CRADD: variants seen among roughly 807,000 people sequenced by gnomAD.
The protein encoded by CRADD is death domain-containing protein CRADD.
CRADD carries 9 observed loss-of-function variants against 15.5 expected under a neutral mutation model. The ratio of observed to expected loss-of-function variants is 0.58; its 90% CI spans 0.35 to 1.01. CRADD has a LOEUF of 1.01. Among genes scored for constraint, CRADD ranks in the 50% least tolerant of loss-of-function variants. CRADD has a pLI of 0.02. For synonymous variants in CRADD, 118 were observed against 107.6 expected (o/e 1.10, Z -0.60); for missense variants, 227 against 250.3 (o/e 0.91, Z 0.63).
intron 2 of CRADD, among the ~76,000 whole-genome samples, chr12:93,711,136 C>T (rs1303895003): frequency 1.4e-5 from 2 of 142,418 alleles, no homozygotes; most frequent in South Asian, 2.4e-4. Context: ...AGGTTGAAAT[C>T]AAAAGCCAAA....
intron 2 of CRADD, among the ~76,000 whole-genome samples, chr12:93,732,595 CTGA>C (rs1179086696): frequency 2.0e-5 from 3 of 152,170 alleles, no homozygotes; most frequent in Non-Finnish European, 4.4e-5. Context: ...ACAAGTTATA[CTGA>C]TGATATTTGA....
chr12:93,850,366 G>GT lies in CRADD; in HGVS notation c.*101dup. The GT allele has an allele frequency of 3.4e-6, 5 of 1,457,312 alleles. No individual in the cohort carries two copies. Among genetic ancestry groups the GT allele is most frequent in the Non-Finnish European group, 4.5e-6 (5 of 1,110,846 alleles). The allele number at this position is 1,457,312 out of a possible 1,614,324, so 90.3% of individuals were successfully genotyped here. On this transcript the variant is annotated 3_prime_UTR_variant, in exon 3 of 3. Transcript: ENST00000332896. The surrounding 1 kb of genome is among the most constrained non-coding windows in gnomAD (Gnocchi z 4.0). ...AGCAGGTGGTTTTTTGTGTAGGTTTGTTTTTTATTTTTGATGATCTTCAGA... is the reference window on the plus strand; with the variant it reads ...AGCAGGTGGTTTTTTGTGTAGGTTTGTTTTTTTATTTTTGATGATCTTCAGA...
chr12:93,753,559 A>G (rs572141187), intron 2 of CRADD, among the ~76,000 whole-genome samples: 11 of 152,362 alleles, frequency 7.2e-5, no homozygotes, highest in South Asian at 4.1e-4. Flanking sequence ...CCTACATACA[A>G]TGGGGTACAG....
intron 2 of CRADD, among the ~76,000 whole-genome samples, chr12:93,839,702 C>T (rs1958025605): frequency 6.6e-6 from 1 of 152,132 alleles, no homozygotes; most frequent in African/African-American, 2.4e-5. Context: ...TTTATGTGCT[C>T]GCTTTTGTGT....
chr12:93,803,443 T>C (rs1213261140), intron 2 of CRADD, among the ~76,000 whole-genome samples: 1 of 152,188 alleles, frequency 6.6e-6, no homozygotes, highest in African/African-American at 2.4e-5. Context: ...AAGTATTGTT[T>C]GTGAGCAAGA....
chr12:93,818,856 C>G lies in CRADD; in HGVS notation c.299-31114C>G, dbSNP rs114881257. 6.3e-3 allele frequency among the ~76,000 whole-genome samples: 962 copies of G among 152,326 alleles called. 7 individuals are homozygous for G. The highest frequency in any genetic ancestry group is 0.022 in the African/African-American group (916 of 41,562). Reference sequence around the variant, plus strand: ...GATCCAAAACCTCGTGAGAGGCGGCCTGGCCCCACAGCATTCGTGCCATAG... The same window carrying G: ...GATCCAAAACCTCGTGAGAGGCGGCGTGGCCCCACAGCATTCGTGCCATAG... On this transcript the variant is annotated intron_variant, in intron 2 of 2. Transcript: ENST00000332896.
intron 2 of CRADD, among the ~76,000 whole-genome samples, chr12:93,799,521 G>A (rs1476028583): frequency 6.6e-6 from 1 of 152,106 alleles, no homozygotes; most frequent in Admixed American, 6.6e-5. Flanking sequence ...AAAGATCATA[G>A]CATGTAACTG....
intron 2 of CRADD, among the ~76,000 whole-genome samples, chr12:93,872,503 G>A (rs79667599): frequency 3.0e-3 from 452 of 152,094 alleles, no homozygotes; most frequent in Middle Eastern, 0.024. Flanking sequence ...GGAGATTTTC[G>A]CCAATGTTTT....
intron 2 of CRADD, among the ~76,000 whole-genome samples, chr12:93,838,953 T>G (rs1348543604): frequency 2.0e-5 from 3 of 151,692 alleles, no homozygotes; most frequent in East Asian, 1.9e-4. Context: ...TTTTTTTTTT[T>G]GTAGAGATGG....
chr12:93,846,042 C>T (rs1023253971), intron 2 of CRADD, among the ~76,000 whole-genome samples: 2 of 151,292 alleles, frequency 1.3e-5, no homozygotes, highest in Admixed American at 6.6e-5. Context: ...AAGTATTTGT[C>T]CTTTTGTGAC....
At position 93,776,614 on chromosome 12, in the gene CRADD, T is replaced by G. The variant is rs1957143223; in HGVS notation, c.299-73356T>G. Among the ~76,000 whole-genome samples the G allele has an allele frequency of 2.0e-5, 3 of 152,268 alleles. No individual in the cohort carries two copies. In the South Asian group the frequency reaches 6.2e-4, roughly 32 times the overall value. On this transcript the variant is annotated intron_variant, in intron 2 of 2. Transcript: ENST00000332896. ...CAGAAACACAGGTTCACACAAAAACTTGTGCATAGCAGCATTATTTATAGC... is the reference window on the plus strand; with the variant it reads ...CAGAAACACAGGTTCACACAAAAACGTGTGCATAGCAGCATTATTTATAGC...
At chr12:93,796,131 T>C (rs1327588782) in intron 2 of CRADD, among the ~76,000 whole-genome samples, 1 of 152,238 alleles carries the variant, frequency 6.6e-6, no homozygotes, top group Non-Finnish European at 1.5e-5. Flanking sequence ...TTGGTTTTTT[T>C]TTCAAGGACT....
chr12:93,807,981 C>CAAAA (rs368104878), intron 2 of CRADD, among the ~76,000 whole-genome samples: 11,737 of 67,306 alleles, frequency 0.17, 2,201 homozygotes, highest in South Asian at 0.23. Flanking sequence ...AAGTGTTATG[C>CAAAA]AAAAAAAAAA....
intron 2 of CRADD, among the ~76,000 whole-genome samples, chr12:93,684,707 G>A (rs1000902379): frequency 3.9e-5 from 6 of 152,200 alleles, no homozygotes; most frequent in African/African-American, 1.4e-4. Context: ...AGCGGTATGT[G>A]TGGTGGTGGG....
At chr12:93,832,425 G>A (rs1434735005) in intron 2 of CRADD, among the ~76,000 whole-genome samples, 1 of 152,108 alleles carries the variant, frequency 6.6e-6, no homozygotes, top group Non-Finnish European at 1.5e-5. Context: ...TGCCTTCTTA[G>A]CGTTACTGAT....
intron 2 of CRADD, among the ~76,000 whole-genome samples, chr12:93,889,230 C>T (rs1459802324): frequency 1.3e-5 from 2 of 152,096 alleles, no homozygotes; most frequent in Non-Finnish European, 2.9e-5. Flanking sequence ...CATTAACATG[C>T]CACTTTATGC....
At chr12:93,801,190 A>G (rs931186722) in intron 2 of CRADD, among the ~76,000 whole-genome samples, 6 of 152,182 alleles carry the variant, frequency 3.9e-5, no homozygotes, top group Non-Finnish European at 8.8e-5. Flanking sequence ...TGATCTTTCC[A>G]TTATAAAGTT....
intron 2 of CRADD, among the ~76,000 whole-genome samples, chr12:93,765,006 A>T (rs1001434288): frequency 1.4e-5 from 2 of 147,964 alleles, no homozygotes; most frequent in African/African-American, 4.9e-5. Flanking sequence ...GAAACTCTGA[A>T]TTTTTTTTTT....
At chr12:93,807,789 T>C (rs536764812) in intron 2 of CRADD, among the ~76,000 whole-genome samples, 10 of 151,792 alleles carry the variant, frequency 6.6e-5, no homozygotes, top group Admixed American at 5.9e-4. Context: ...TAAAAACCAA[T>C]GAGTACATCC....
Sources: allele counts gnomAD v4.1 joint callset (sites outside exome capture counted in the v4.1 genomes callset), GRCh38; gene constraint gnomAD v4.1.1; non-coding constraint Gnocchi (gnomAD v3.1); transcripts MANE v1.5; gene names NCBI Gene and HGNC (gene_info 2026-07-23, HGNC 2026-07-21).